BMPER: variants seen among roughly 807,000 people sequenced by gnomAD.
BMPER encodes BMP-binding endothelial regulator protein.
A neutral mutation model predicts 87.3 loss-of-function variants in BMPER; 45 were observed. That is an observed-to-expected ratio of 0.52 (90% CI 0.41 to 0.66). The LOEUF is 0.66. Among genes scored for constraint, BMPER ranks in the 30% least tolerant of loss-of-function variants. The probability of loss-of-function intolerance (pLI) is 0.00; values close to 1 mark genes in which losing one functional copy is unlikely to be tolerated. For synonymous variants in BMPER, 326 were observed against 316.2 expected (o/e 1.03, Z -0.33); for missense variants, 784 against 867.5 (o/e 0.90, Z 1.21).
intron 13 of BMPER, among the ~76,000 whole-genome samples, chr7:34,116,961 G>C (rs932150818): frequency 6.6e-6 from 1 of 151,606 alleles, no homozygotes; most frequent in Non-Finnish European, 1.5e-5. Context: ...TGCAACTCCA[G>C]CCTGGGTGAC....
At chr7:33,998,962 A>C (rs1441964970) in intron 6 of BMPER, among the ~76,000 whole-genome samples, 1 of 152,208 alleles carries the variant, frequency 6.6e-6, no homozygotes, top group Non-Finnish European at 1.5e-5. Context: ...AGATTTCATG[A>C]CTTGCAGTAT....
chr7:34,015,614 A>G (rs991094724), intron 6 of BMPER, among the ~76,000 whole-genome samples: 3 of 151,966 alleles, frequency 2.0e-5, no homozygotes, highest in Admixed American at 2.0e-4. Context: ...GTCAGTTGTA[A>G]AAGGGAAAAT....
chr7:33,922,532 T>C (rs1784259490), intron 2 of BMPER, among the ~76,000 whole-genome samples: 1 of 152,216 alleles, frequency 6.6e-6, no homozygotes, highest in Admixed American at 6.5e-5. Context: ...TTTAGAATCC[T>C]GAAGTCATGG....
At chr7:34,080,205 G>T (rs146989373) in intron 12 of BMPER, among the ~76,000 whole-genome samples, 2 of 152,080 alleles carry the variant, frequency 1.3e-5, no homozygotes, top group Non-Finnish European at 2.9e-5. Context: ...TTGGATTCCC[G>T]TTTCTTTAGA....
intron 8 of BMPER, among the ~76,000 whole-genome samples, chr7:34,052,305 G>C (rs1408966697): frequency 1.3e-5 from 2 of 152,158 alleles, no homozygotes; most frequent in Non-Finnish European, 2.9e-5. Context: ...AACACACCTG[G>C]CAATAAAAAT....
At chr7:34,088,958 A>C (rs1290713299) in intron 13 of BMPER, among the ~76,000 whole-genome samples, 1 of 152,104 alleles carries the variant, frequency 6.6e-6, no homozygotes, top group Non-Finnish European at 1.5e-5. Context: ...AATCGTTTAA[A>C]AAACTATTGT....
At chr7:33,934,517 C>CA (rs11340819) in intron 2 of BMPER, among the ~76,000 whole-genome samples, 7,975 of 59,256 alleles carry the variant, frequency 0.13, 433 homozygotes, top group African/African-American at 0.24. Context: ...TGTGTGTGTA[C>CA]AAAAAAAAAA....
chr7:34,016,892 T>C (rs1220674514), intron 6 of BMPER, among the ~76,000 whole-genome samples: 1 of 152,070 alleles, frequency 6.6e-6, no homozygotes, highest in Admixed American at 6.6e-5. Context: ...AATGTTGGTG[T>C]TAGTCAATGT....
intron 3 of BMPER, among the ~76,000 whole-genome samples, chr7:33,938,313 T>C (rs1784661060): frequency 6.6e-6 from 1 of 152,164 alleles, no homozygotes; most frequent in Non-Finnish European, 1.5e-5. Context: ...TCACATCTAC[T>C]TGGAAGCTCA....
At chr7:34,036,062 G>C (rs1434583372) in intron 6 of BMPER, among the ~76,000 whole-genome samples, 1 of 152,096 alleles carries the variant, frequency 6.6e-6, no homozygotes, top group African/African-American at 2.4e-5. Context: ...CCTTTCTCCT[G>C]CATAATGGTG....
intron 13 of BMPER, among the ~76,000 whole-genome samples, chr7:34,109,305 G>T (rs1789901408): frequency 3.3e-5 from 5 of 152,152 alleles, no homozygotes. Context: ...TCAGGGGAGG[G>T]TCAGCTTTTT....
chr7:33,995,583 C>T (rs1321903208), intron 6 of BMPER, among the ~76,000 whole-genome samples: 1 of 152,104 alleles, frequency 6.6e-6, no homozygotes, highest in Non-Finnish European at 1.5e-5. Flanking sequence ...TCCACATTAG[C>T]ATAAAACCAG....
intron 6 of BMPER, among the ~76,000 whole-genome samples, chr7:34,014,819 A>T (rs1786977162): frequency 6.6e-6 from 1 of 152,098 alleles, no homozygotes; most frequent in Middle Eastern, 3.4e-3. Context: ...CACACCTTTC[A>T]TTAGGAAGAA....
chr7:34,055,226 G>A lies in BMPER; in HGVS notation c.850G>A (p.Gly284Ser). ...TGGTGGCTGTGACCAAGGCCAGGAG[G>A]GCTGTTGTGAAGAGTGCCTCCTACG... ...HPGGCDQGQEGCCEECLLRVP... is the reference protein window; with the variant it reads ...HPGGCDQGQESCCEECLLRVP... Residue 284 changes from glycine to serine, a missense_variant, in exon 9 of 15, where the codon GGC (glycine) becomes AGC (serine). Coordinates refer to ENST00000649409, the MANE Select transcript of BMPER (RefSeq NM_001365308.1). The A allele has an allele frequency of 5.0e-6, 8 of 1,614,132 alleles. No individual in the cohort carries two copies. The highest frequency in any genetic ancestry group is 6.8e-6 in the Non-Finnish European group (8 of 1,180,028).
intron 6 of BMPER, among the ~76,000 whole-genome samples, chr7:34,028,601 G>GGTTTTT (rs1787426612): frequency 1.9e-4 from 7 of 36,058 alleles, no homozygotes; most frequent in East Asian, 1.2e-3. Context: ...CATTTTTTCT[G>GGTTTTT]TTTTTTTTTT....
At chr7:33,992,440 C>G (rs1038470994) in intron 6 of BMPER, among the ~76,000 whole-genome samples, 3 of 139,170 alleles carry the variant, frequency 2.2e-5, no homozygotes, top group African/African-American at 8.1e-5. Context: ...GGATTGCAAC[C>G]CCTGCCTTTT....
intron 13 of BMPER, among the ~76,000 whole-genome samples, chr7:34,086,924 A>G (rs891797979): frequency 6.6e-6 from 1 of 152,186 alleles, no homozygotes; most frequent in Non-Finnish European, 1.5e-5. Flanking sequence ...CAAGATGAAC[A>G]CAGCCCAAAA....
At chr7:34,064,410 T>A (rs1233992953) in intron 11 of BMPER, among the ~76,000 whole-genome samples, 1 of 152,208 alleles carries the variant, frequency 6.6e-6, no homozygotes, top group Non-Finnish European at 1.5e-5. Context: ...CATTATATTA[T>A]CAGTTTATTC....
intron 6 of BMPER, among the ~76,000 whole-genome samples, chr7:33,990,175 G>A (rs1585711349): frequency 1.3e-5 from 2 of 150,100 alleles, no homozygotes; most frequent in African/African-American, 4.9e-5. Context: ...AGCTTGATGG[G>A]GATGGCATTG....
Sources: allele counts gnomAD v4.1 joint callset (sites outside exome capture counted in the v4.1 genomes callset), GRCh38; gene constraint gnomAD v4.1.1; transcripts MANE v1.5; gene names NCBI Gene and HGNC (gene_info 2026-07-23, HGNC 2026-07-21).